ATP6V0D1: variants seen among roughly 807,000 people sequenced by gnomAD.
ATP6V0D1 encodes V-type proton ATPase subunit d 1.
In ATP6V0D1, 13 loss-of-function variants were observed where a neutral mutation model predicts 39.0. That is an observed-to-expected ratio of 0.33 (90% CI 0.22 to 0.53). The LOEUF is 0.53. ATP6V0D1 is among the 20% of genes least tolerant of loss of function. ATP6V0D1 has a pLI of 0.94. For missense variants in ATP6V0D1, 272 were observed against 470.9 expected, an observed-to-expected ratio of 0.58 and a Z score of 3.91; for synonymous variants, 191 against 191.2, an observed-to-expected ratio of 1.00 and a Z score of 0.01.
chr16:67,446,202 A>C (rs1235148806), intron 2 of ATP6V0D1, among the ~76,000 whole-genome samples: 2 of 152,152 alleles, frequency 1.3e-5, no homozygotes, highest in African/African-American at 4.8e-5. Context: ...AGCACTGGCC[A>C]CTGGGGGAGC....
At chr16:67,454,804 T>A (rs555796175) in intron 1 of ATP6V0D1, 1 of 152,324 alleles carries the variant, frequency 6.6e-6, no homozygotes, top group South Asian at 2.1e-4. Context: ...GGTCCCACCA[T>A]CCCCGCTTAA....
chr16:67,467,726 C>T (rs2041341790), intron 1 of ATP6V0D1, among the ~76,000 whole-genome samples: 1 of 152,230 alleles, frequency 6.6e-6, no homozygotes, highest in Non-Finnish European at 1.5e-5. Context: ...AAGGTTCTGG[C>T]AACCCATAGG....
intron 1 of ATP6V0D1, among the ~76,000 whole-genome samples, chr16:67,476,221 CA>C (rs34393931): frequency 0.24 from 30,223 of 126,048 alleles, 6,389 homozygotes; most frequent in African/African-American, 0.58. Context: ...GATTCCATTC[CA>C]AAAAAAAAAA....
Position 67,438,337 on chromosome 16 carries a change from C to T in ATP6V0D1, c.*191G>A, listed in dbSNP as rs1285414515. ...CCTTGGTGGGGGGGGGTGCCCAGCC[C>T]CTTTTCAGGCCTAAGAACAGTCTCT... On this transcript the variant is annotated 3_prime_UTR_variant, in exon 8 of 8. Coordinates refer to ENST00000290949, the MANE Select transcript of ATP6V0D1 (RefSeq NM_004691.5). 4 of 678,926 alleles carry T rather than the reference C, an allele frequency of 5.9e-6. No individual in the cohort carries two copies. The highest frequency in any genetic ancestry group is 1.8e-5 in the African/African-American group (1 of 55,004). 42.1% of individuals were successfully genotyped at this position (678,926 alleles called of 1,614,324 possible).
In ATP6V0D1 at chr16:67,478,628, A is replaced by G. The variant is rs537713741; in HGVS notation, c.130+2329T>C. Among the ~76,000 whole-genome samples, 311 of 150,724 alleles carry G rather than the reference A, an allele frequency of 2.1e-3. 1 individual carries two copies. The highest frequency in any genetic ancestry group is 5.9e-3 in the African/African-American group (243 of 41,042). ...GACTCTGTCTCAAAAAAAAAAAAAA[A>G]AAAGAAAGAAAGAAAGAAATGTGTG... On this transcript the variant is annotated intron_variant, in intron 1 of 7. Transcript: ENST00000290949.
chr16:67,458,684 T>G (rs2041263672), intron 1 of ATP6V0D1, among the ~76,000 whole-genome samples: 1 of 152,166 alleles, frequency 6.6e-6, no homozygotes, highest in Admixed American at 6.5e-5. Flanking sequence ...TGATTTCTCA[T>G]GTTCAAAAGA....
intron 2 of ATP6V0D1, among the ~76,000 whole-genome samples, chr16:67,446,827 A>T (rs1258049787): frequency 6.6e-6 from 1 of 152,084 alleles, no homozygotes; most frequent in Non-Finnish European, 1.5e-5. Context: ...GAAGAGGGAG[A>T]AAAAGCACAC....
rs1411949844 is a variant in ATP6V0D1 at position 67,453,818 on chromosome 16, T to G, written c.131-103A>C. 8.7e-7 allele frequency: 1 copy of G among 1,143,982 alleles called. No homozygotes were observed. Among genetic ancestry groups the G allele is most frequent in the African/African-American group, 1.5e-5 (1 of 65,672 alleles). 70.9% of individuals were successfully genotyped at this position (1,143,982 alleles called of 1,614,324 possible). On this transcript the variant is annotated intron_variant, in intron 1 of 7. Coordinates refer to ENST00000290949, the MANE Select transcript of ATP6V0D1 (RefSeq NM_004691.5). The surrounding 1 kb of genome is among the most constrained non-coding windows in gnomAD (Gnocchi z 4.1). ...ACTCAGCCCCAGCTCTCCCCTGCAG[T>G]TGTGTCCCGCTACTACCCTGATCTC...
Position 67,474,339 on chromosome 16 carries a change from T to C in ATP6V0D1, c.130+6618A>G, listed in dbSNP as rs182819258. Among the ~76,000 whole-genome samples the C allele has an allele frequency of 5.3e-5, 8 of 152,330 alleles. No homozygotes were observed. The East Asian group carries it at 1.5e-3, about 29-fold the overall frequency. ...GACTTGTCCAAGGTCACAAAACCAG[T>C]TAAGTGGCTGCGCTGGGATCAGTCC... On this transcript the variant is annotated intron_variant, in intron 1 of 7. Coordinates refer to ENST00000290949, the MANE Select transcript of ATP6V0D1 (RefSeq NM_004691.5).
At position 67,444,271 on chromosome 16, in the gene ATP6V0D1, T is replaced by C. The variant is rs2041089174; in HGVS notation, c.481+257A>G. ...TCCTCTGCACTCTGGGAGATCAGAC[T>C]GCTTCACAAAGTGAGACAGTCCCAG... is the stretch of plus-strand genomic sequence containing the variant. On this transcript the variant is annotated intron_variant, in intron 3 of 7. Transcript: ENST00000290949. This position sits in a 1 kb window ranked among gnomAD's most constrained non-coding sequence, Gnocchi z 4.8. Among the ~76,000 whole-genome samples, 1 of 152,210 alleles carries C rather than the reference T, an allele frequency of 6.6e-6. No individual in the cohort carries two copies. Among genetic ancestry groups the C allele is most frequent in the South Asian group, 2.1e-4 (1 of 4,832 alleles).
chr16:67,481,145 C>T lies in ATP6V0D1; in HGVS notation c.-59G>A. 6.2e-7 allele frequency: 1 copy of T among 1,605,664 alleles called. No homozygotes were observed. The highest frequency in any genetic ancestry group is 1.1e-5 in the South Asian group (1 of 90,304). Reference sequence around the variant, plus strand: ...GGACCGGCCGGCACGAATCGCGACTCCCCAGGTCAGCTGACGCTGCGTCCT... The same window carrying T: ...GGACCGGCCGGCACGAATCGCGACTTCCCAGGTCAGCTGACGCTGCGTCCT... On this transcript the variant is annotated 5_prime_UTR_variant, in exon 1 of 8. Coordinates refer to ENST00000290949, the MANE Select transcript of ATP6V0D1 (RefSeq NM_004691.5).
intron 1 of ATP6V0D1, chr16:67,457,795 T>G: frequency 2.1e-6 from 1 of 470,030 alleles, no homozygotes; most frequent in Non-Finnish European, 3.9e-6. Flanking sequence ...CTGCTGACAC[T>G]GCATCTGGGG....
chr16:67,458,956 C>T, intron 1 of ATP6V0D1: 1 of 759,640 alleles, frequency 1.3e-6, no homozygotes, highest in Non-Finnish European at 1.6e-6. Context: ...CAAGACCACT[C>T]TCCATACCAT....
chr16:67,463,459 A>AG (rs1297740623), intron 1 of ATP6V0D1, among the ~76,000 whole-genome samples: 2 of 152,026 alleles, frequency 1.3e-5, no homozygotes, highest in Non-Finnish European at 2.9e-5. Context: ...TGAGCCCAGG[A>AG]GGTCAAGACT....
At chr16:67,440,202 A>G (rs1370999140) in intron 4 of ATP6V0D1, 1 of 152,262 alleles carries the variant, frequency 6.6e-6, no homozygotes, top group African/African-American at 2.4e-5. Context: ...TTGTCAGGCC[A>G]GTTCCTGCTG....
At chr16:67,449,975 A>G (rs1318245972) in intron 2 of ATP6V0D1, among the ~76,000 whole-genome samples, 1 of 151,980 alleles carries the variant, frequency 6.6e-6, no homozygotes, top group Non-Finnish European at 1.5e-5. Flanking sequence ...GGCAGCTCCA[A>G]AAGCAACTAT....
At chr16:67,459,054 C>T in intron 1 of ATP6V0D1, 1 of 985,738 alleles carries the variant, frequency 1.0e-6, no homozygotes, top group Non-Finnish European at 1.2e-6. Flanking sequence ...TTCTGCCTCT[C>T]CCCCACAGCC....
intron 2 of ATP6V0D1, among the ~76,000 whole-genome samples, chr16:67,449,839 C>A (rs185583652): frequency 6.6e-6 from 1 of 152,228 alleles, no homozygotes; most frequent in African/African-American, 2.4e-5. Flanking sequence ...GTTATGTGTG[C>A]GGCTGAAGGC....
chr16:67,456,565 T>C lies in ATP6V0D1; in HGVS notation c.131-2850A>G, dbSNP rs1597577091. On this transcript the variant is annotated intron_variant, in intron 1 of 7. Coordinates refer to ENST00000290949, the MANE Select transcript of ATP6V0D1 (RefSeq NM_004691.5). This position sits in a 1 kb window ranked among gnomAD's most constrained non-coding sequence, Gnocchi z 4.1. ...GGGAGCCAAGACTGGAATACAGTTC[T>C]CTGGGTCAGACCCAGGCACTGGTGC... is the stretch of plus-strand genomic sequence containing the variant. 6.6e-6 allele frequency: 1 copy of C among 152,364 alleles called. No homozygotes were observed. The highest frequency in any genetic ancestry group is 1.9e-4 in the East Asian group (1 of 5,190). 9.4% of individuals were successfully genotyped at this position (152,364 alleles called of 1,614,324 possible).
Sources: allele counts gnomAD v4.1 joint callset (sites outside exome capture counted in the v4.1 genomes callset), GRCh38; gene constraint gnomAD v4.1.1; non-coding constraint Gnocchi (gnomAD v3.1); transcripts MANE v1.5; gene names NCBI Gene and HGNC (gene_info 2026-07-23, HGNC 2026-07-21).